Variants in TCHP observed in about 807,000 individuals in gnomAD.
TCHP encodes trichoplein keratin filament binding.
A neutral mutation model predicts 88.7 loss-of-function variants in TCHP; 81 were observed. That is an observed-to-expected ratio of 0.91 (90% CI 0.76 to 1.10). TCHP has a LOEUF of 1.10. Ranked by LOEUF, TCHP falls within the 50% of genes least tolerant of loss-of-function variation. TCHP has a pLI of 0.00. For missense variants in TCHP, 641 were observed against 632.1 expected (o/e 1.01, Z -0.15); for synonymous variants, 232 against 232.5 (o/e 1.00, Z 0.02).
chr12:109,910,860 G>A (rs1278230333), intron 8 of TCHP, among the ~76,000 whole-genome samples: 2 of 152,196 alleles, frequency 1.3e-5, no homozygotes, highest in East Asian at 3.9e-4. Context: ...TCCTAGGCCT[G>A]TGCAGTGTCT....
chr12:109,895,651 A>G (rs1291790135), upstream of TCHP, among the ~76,000 whole-genome samples: 1 of 152,076 alleles, frequency 6.6e-6, no homozygotes, highest in African/African-American at 2.4e-5. Flanking sequence ...AAGAAGCTGG[A>G]GTGGTTGGTG....
chr12:109,916,567 C>T, intron 12 of TCHP, 24 bp from the exon 13 acceptor site: 1 of 1,611,456 alleles, frequency 6.2e-7, no homozygotes, highest in South Asian at 1.1e-5. Flanking sequence ...TCTGATCACT[C>T]TTATGTTTTC....
At chr12:109,914,301 TG>T (rs1451695399) in intron 10 of TCHP, 140 bp from the exon 11 acceptor site, 12 of 676,408 alleles carry the variant, frequency 1.8e-5, no homozygotes, top group Non-Finnish European at 7.4e-6. Context: ...TCCTGTCATC[TG>T]GCTCTGCCTC....
intron 6 of TCHP, 97 bp from the exon 7 acceptor site, chr12:109,908,489 G>T: frequency 2.0e-6 from 2 of 987,388 alleles, no homozygotes; most frequent in Non-Finnish European, 3.1e-6. Flanking sequence ...GGCCTCTGTT[G>T]GTGTAGTGTC....
chr12:109,896,884 C>A (rs903338822), upstream of TCHP, among the ~76,000 whole-genome samples: 2 of 152,054 alleles, frequency 1.3e-5, no homozygotes, highest in African/African-American at 4.8e-5. Context: ...CACTGCACTC[C>A]ATCAGCCTGG....
chr12:109,912,908 GCCCTGCAGCC>G (rs1870587191), intron 9 of TCHP, 73 bp from the exon 10 acceptor site: 2 of 1,092,944 alleles, frequency 1.8e-6, no homozygotes, highest in Non-Finnish European at 2.8e-6. Flanking sequence ...GAAGCCATGT[GCCCTGCAGCC>G]CTGTCTGTTC....
At chr12:109,895,165 C>T in the TCHP span, among the ~76,000 whole-genome samples, 1 of 151,892 alleles carries the variant, frequency 6.6e-6, no homozygotes, top group African/African-American at 2.4e-5. Context: ...ACTACAGTTC[C>T]CCAGCTGAAG....
intron 3 of TCHP, 115 bp from the exon 4 acceptor site, chr12:109,904,622 T>A: frequency 1.2e-6 from 1 of 817,782 alleles, no homozygotes. Flanking sequence ...GTGGTTGCAG[T>A]GACGGTGTGA....
chr12:109,912,021 C>T (rs571974054), intron 9 of TCHP, among the ~76,000 whole-genome samples: 6 of 152,260 alleles, frequency 3.9e-5, no homozygotes, highest in Non-Finnish European at 7.4e-5. Context: ...GTCTTGAACT[C>T]CTGACCTTGT....
intron 11 of TCHP, chr12:109,915,111 T>C: frequency 3.9e-6 from 2 of 515,382 alleles, no homozygotes; most frequent in South Asian, 2.1e-5. Flanking sequence ...GTACACACAA[T>C]GCATACAGCC....
At chr12:109,916,531 ATTCCTC>A in intron 12 of TCHP, 54 bp from the exon 13 acceptor site, 1 of 1,522,416 alleles carries the variant, frequency 6.6e-7, no homozygotes, top group Admixed American at 2.1e-5. Flanking sequence ...AACAAGGTTA[ATTCCTC>A]ATGCTGCAGA....
intron 11 of TCHP, chr12:109,915,146 G>A (rs538770199): frequency 2.7e-5 from 15 of 560,106 alleles, no homozygotes; most frequent in Non-Finnish European, 4.7e-5. Flanking sequence ...CGAGGTACAC[G>A]CCACGCATAC....
At chr12:109,901,029 G>C (rs1334129915) in intron 1 of TCHP, 1 of 152,198 alleles carries the variant, frequency 6.6e-6, no homozygotes, top group East Asian at 1.9e-4. Context: ...CCTCTCTCTA[G>C]GTCTCAGCTT....
chr12:109,906,029 G>C (rs1870106450), intron 4 of TCHP, among the ~76,000 whole-genome samples: 1 of 152,190 alleles, frequency 6.6e-6, no homozygotes, highest in South Asian at 2.1e-4. Flanking sequence ...CCAAACAAAA[G>C]ATTTGGATTG....
the TCHP span, among the ~76,000 whole-genome samples, chr12:109,885,738 C>T: frequency 6.6e-6 from 1 of 151,418 alleles, no homozygotes; most frequent in East Asian, 1.9e-4. Context: ...TCCTCGGCCT[C>T]GCAAAGTACT....
At chr12:109,904,256 T>C (rs2136068777) in intron 3 of TCHP, 109 bp downstream of exon 3, 4 of 973,744 alleles carry the variant, frequency 4.1e-6, no homozygotes, top group Non-Finnish European at 6.2e-6. Context: ...GAGATGCCAG[T>C]TAACTCCAGA....
chr12:109,904,998 G>A (rs1592907281), intron 4 of TCHP: 6 of 567,118 alleles, frequency 1.1e-5, no homozygotes, highest in South Asian at 2.1e-5. Context: ...TTGAACCTCC[G>A]CTGCCTGGTC....
In TCHP at chr12:109,913,002, A is replaced by G. The variant is rs1592913941; in HGVS notation, c.1064A>G (p.Lys355Arg). Reference protein sequence around the residue: ...ELQMLLREEAKEMWEKREAEW... With the variant: ...ELQMLLREEAREMWEKREAEW... The stretch of plus-strand genomic sequence containing the variant: ...TTGTGTTTGCCCAGGGAGGAGGCCA[A>G]GGAGATGTGGGAAAAGAGAGAGGCA... The change falls in exon 10 of 13, where the codon AAG becomes AGG. Residue 355 changes from lysine to arginine, a missense_variant. Transcript: ENST00000405876. 1.2e-6 allele frequency: 2 copies of G among 1,613,862 alleles called. No homozygotes were observed. The highest frequency in any genetic ancestry group is 1.3e-5 in the African/African-American group (1 of 75,002).
At chr12:109,893,380 C>CAA in the TCHP span, among the ~76,000 whole-genome samples, 45 of 119,904 alleles carry the variant, frequency 3.8e-4, no homozygotes, top group South Asian at 1.9e-3. Flanking sequence ...AACTCCTTCT[C>CAA]AAAAAAAAAA....
Sources: gnomAD v4.1 joint callset for allele counts (sites outside exome capture counted in the v4.1 genomes callset) on GRCh38, gnomAD v4.1.1 for gene constraint, MANE v1.5 for transcripts, NCBI Gene and HGNC (gene_info 2026-07-23, HGNC 2026-07-21) for gene names.